Variants in TSHZ2 observed in about 807,000 individuals in gnomAD.
TSHZ2 encodes the protein teashirt homolog 2.
Under a neutral mutation model 74.4 loss-of-function variants are expected in TSHZ2, and 21 were observed. That is an observed-to-expected ratio of 0.28 (90% confidence interval 0.20 to 0.41). The LOEUF is 0.41. Ranked by LOEUF, TSHZ2 falls within the 10% of genes least tolerant of loss-of-function variation. TSHZ2 has a pLI of 1.00. For missense variants in TSHZ2, 1,244 were observed against 1,293.5 expected (o/e 0.96, Z 0.59); for synonymous variants, 540 against 515.3 (o/e 1.05, Z -0.65).
At chr20:53,241,867 G>A (rs565738359) in intron 1 of TSHZ2, among the ~76,000 whole-genome samples, 3 of 152,264 alleles carry the variant, frequency 2.0e-5, no homozygotes, top group South Asian at 2.1e-4. Context: ...GAACCCAGGT[G>A]GGCTTGCTGT....
At position 53,255,550 on chromosome 20, in the gene TSHZ2, C is replaced by T; in HGVS notation, c.2092C>T (p.Leu698=). Residue 698 remains leucine (L), a synonymous_variant, in exon 2 of 3, where the codon CTG becomes TTG. Coordinates refer to ENST00000371497, the MANE Select transcript of TSHZ2 (RefSeq NM_173485.6). The surrounding 1 kb of genome is among the most constrained non-coding windows in gnomAD (Gnocchi z 4.1). ...ALPCINPLSA[L]QSVLNNHLGK... is the part of the protein sequence containing the mutation. ...GCCATGCATCAACCCACTCAGCGCC[C>T]TGCAGTCCGTCCTGAACAATCACTT... is the stretch of plus-strand genomic sequence containing the variant. 1 of 1,585,314 alleles carries T rather than the reference C, an allele frequency of 6.3e-7. No individual in the cohort carries two copies. Among genetic ancestry groups the T allele is most frequent in the East Asian group, 2.2e-5 (1 of 44,662 alleles).
chr20:53,227,273 C>T (rs1989706340), intron 1 of TSHZ2, among the ~76,000 whole-genome samples: 2 of 151,582 alleles, frequency 1.3e-5, no homozygotes, highest in African/African-American at 4.8e-5. Flanking sequence ...GTGGGTCTCC[C>T]GTGCAGCCTC....
intron 2 of TSHZ2, among the ~76,000 whole-genome samples, chr20:53,385,684 G>C (rs747609509): frequency 1.3e-5 from 2 of 152,156 alleles, no homozygotes; most frequent in African/African-American, 4.8e-5. Context: ...GCTCTACCCC[G>C]TTAGGCAGTA....
intron 1 of TSHZ2, among the ~76,000 whole-genome samples, chr20:53,213,632 A>G (rs1171321649): frequency 6.6e-6 from 1 of 152,178 alleles, no homozygotes; most frequent in African/African-American, 2.4e-5. Flanking sequence ...CTATAGAAAC[A>G]ACCTCTCTTT....
chr20:53,239,712 A>G (rs1473808134), intron 1 of TSHZ2, among the ~76,000 whole-genome samples: 2 of 152,218 alleles, frequency 1.3e-5, no homozygotes, highest in Non-Finnish European at 2.9e-5. Context: ...ATTAATGGAC[A>G]GAATAGCAAA....
intron 1 of TSHZ2, among the ~76,000 whole-genome samples, chr20:53,108,160 T>C (rs753304562): frequency 3.3e-5 from 5 of 152,194 alleles, no homozygotes; most frequent in Non-Finnish European, 7.4e-5. Flanking sequence ...CAACCACTCA[T>C]GTTTACTCTT....
intron 2 of TSHZ2, among the ~76,000 whole-genome samples, chr20:53,430,905 G>C (rs556900964): frequency 6.6e-6 from 1 of 151,974 alleles, no homozygotes; most frequent in African/African-American, 2.4e-5. Flanking sequence ...ACAGGTATGC[G>C]TCTCCACGCC....
At position 53,050,124 on chromosome 20, in the gene TSHZ2, T is replaced by TATATATAC. The variant is rs1409158633; in HGVS notation, c.40+76792_40+76793insTATATACA. On this transcript the variant is annotated intron_variant, in intron 1 of 2. Transcript: ENST00000371497. ...GTGTGTATATATATATATATATATA[T>TATATATAC]ACACATATATATATGTGTATATATA... Among the ~76,000 whole-genome samples, 919 of 107,150 alleles carry TATATATAC rather than the reference T, an allele frequency of 8.6e-3. 31 individuals are homozygous for TATATATAC. Among genetic ancestry groups the TATATATAC allele is most frequent in the African/African-American group, 0.056 (869 of 15,482 alleles). The allele number at this position is 107,150 out of a possible 152,430, so 70.3% of individuals were successfully genotyped here. A position where few individuals can be genotyped will look rare whatever the true frequency, so the allele number is the denominator to read the frequency against.
chr20:53,478,800 A>G (rs1296332371), intron 2 of TSHZ2, among the ~76,000 whole-genome samples: 1 of 152,108 alleles, frequency 6.6e-6, no homozygotes, highest in African/African-American at 2.4e-5. Context: ...ACTTCCTTTT[A>G]CCATCCTGAA....
intron 1 of TSHZ2, among the ~76,000 whole-genome samples, chr20:53,096,543 C>T (rs926768674): frequency 5.9e-5 from 9 of 151,942 alleles, no homozygotes; most frequent in Non-Finnish European, 1.3e-4. Context: ...AATATGAGCT[C>T]TAATTTTGTA....
chr20:53,446,045 G>A (rs771915570), intron 2 of TSHZ2, among the ~76,000 whole-genome samples: 13 of 152,038 alleles, frequency 8.6e-5, no homozygotes, highest in African/African-American at 1.2e-4. Flanking sequence ...TACTTTACCC[G>A]CTCTGTATTC....
intron 1 of TSHZ2, among the ~76,000 whole-genome samples, chr20:53,036,614 TATAG>T (rs1273766186): frequency 6.7e-6 from 1 of 148,768 alleles, no homozygotes; most frequent in Non-Finnish European, 1.5e-5. Context: ...TCATATATAA[TATAG>T]AGAGGTTGGG....
intron 1 of TSHZ2, among the ~76,000 whole-genome samples, chr20:53,013,024 G>T (rs1982910669): frequency 6.6e-6 from 1 of 152,104 alleles, no homozygotes; most frequent in South Asian, 2.1e-4. Context: ...AAAAAGAATA[G>T]GGTTTAACAC....
At chr20:53,484,124 C>T (rs1445203951) in intron 2 of TSHZ2, among the ~76,000 whole-genome samples, 1 of 152,178 alleles carries the variant, frequency 6.6e-6, no homozygotes, top group Non-Finnish European at 1.5e-5. Context: ...CTCCTTTAAG[C>T]TTCTAGACCT....
At chr20:53,042,889 A>G (rs562043257) in intron 1 of TSHZ2, among the ~76,000 whole-genome samples, 1 of 152,322 alleles carries the variant, frequency 6.6e-6, no homozygotes, top group Admixed American at 6.5e-5. Context: ...AAAATATTCA[A>G]TGCAGTATTG....
intron 2 of TSHZ2, among the ~76,000 whole-genome samples, chr20:53,474,627 A>G (rs1169321628): frequency 2.2e-5 from 3 of 134,344 alleles, no homozygotes; most frequent in Non-Finnish European, 4.7e-5. Flanking sequence ...AGCTAACATC[A>G]TAATGACAGG....
chr20:53,014,910 CTG>C (rs2123012592), intron 1 of TSHZ2, among the ~76,000 whole-genome samples: 1 of 152,256 alleles, frequency 6.6e-6, no homozygotes, highest in South Asian at 2.1e-4. Flanking sequence ...TAATGTCACC[CTG>C]TGTTTAAAAC....
At chr20:53,242,290 C>T (rs1378402640) in intron 1 of TSHZ2, among the ~76,000 whole-genome samples, 1 of 152,068 alleles carries the variant, frequency 6.6e-6, no homozygotes, top group Non-Finnish European at 1.5e-5. Flanking sequence ...AAACGTTGTC[C>T]CATGTCCCCT....
chr20:53,247,254 C>T (rs115704310), intron 1 of TSHZ2, among the ~76,000 whole-genome samples: 225 of 152,320 alleles, frequency 1.5e-3, no homozygotes, highest in African/African-American at 5.2e-3. Context: ...TAAAAATGTG[C>T]ATGAACGTAG....
Sources: gnomAD v4.1 joint callset for allele counts (sites outside exome capture counted in the v4.1 genomes callset) on GRCh38, gnomAD v4.1.1 for gene constraint, Gnocchi (gnomAD v3.1) non-coding constraint, MANE v1.5 for transcripts, NCBI Gene and HGNC (gene_info 2026-07-23, HGNC 2026-07-21) for gene names.